FBXO27: variants seen among roughly 807,000 people sequenced by gnomAD.
FBXO27 encodes F-box only protein 27.
In FBXO27, 28 loss-of-function variants were observed where a neutral mutation model predicts 28.3. That is an observed-to-expected ratio of 0.99 (90% CI 0.73 to 1.36). The LOEUF (loss-of-function observed/expected upper bound fraction) is 1.36, where lower values mean the gene tolerates loss of function less well. Among genes scored for constraint, FBXO27 ranks in the 40% most tolerant of loss-of-function variants. The pLI is 0.00. For missense variants in FBXO27, 388 were observed against 394.1 expected, an observed-to-expected ratio of 0.98 and a Z score of 0.13; for synonymous variants, 175 against 167.3, an observed-to-expected ratio of 1.05 and a Z score of -0.36.
chr19:39,021,301 T>C (rs2144892295), downstream of FBXO27, among the ~76,000 whole-genome samples: 1 of 152,254 alleles, frequency 6.6e-6, no homozygotes, highest in Non-Finnish European at 1.5e-5. Flanking sequence ...ACAGAAACTA[T>C]GATGTATTTC....
chr19:39,013,944 C>T (rs2144884466), intron 2 of FBXO27, among the ~76,000 whole-genome samples: 1 of 150,988 alleles, frequency 6.6e-6, no homozygotes, highest in East Asian at 2.0e-4. Context: ...ACCTGGGAGG[C>T]AGAGCTTGCA....
intron 2 of FBXO27, among the ~76,000 whole-genome samples, chr19:39,010,817 A>G (rs1320318489): frequency 6.6e-6 from 1 of 152,244 alleles, no homozygotes; most frequent in African/African-American, 2.4e-5. Flanking sequence ...TCAGAGTTGT[A>G]ACAGGGCTGG....
At position 39,025,465 on chromosome 19, in the gene FBXO27, GT is replaced by G. The variant is rs2072867768; in HGVS notation, c.797del (p.His266ProfsTer6). On this transcript the variant is annotated frameshift_variant, in exon 6 of 6. Transcript: ENST00000292853. LOFTEE classifies it low-confidence loss of function (END_TRUNC). ...RGQDTQFWAGHYGARVTNSSV... is the reference protein window; with the variant it reads ...RGQDTQFWAGXYGARVTNSSV... ...TGGAGTTGGTCACACGGGCTCCATA[GT>G]GGCCAGCCCAGAACTGTGTGTCCTG... 1 of 1,614,042 alleles carries G rather than the reference GT, an allele frequency of 6.2e-7. No homozygotes were observed. The highest frequency in any genetic ancestry group is 1.1e-5 in the South Asian group (1 of 91,086).
intron 2 of FBXO27, 53 bp downstream of exon 2, chr19:39,031,811 C>A: frequency 1.4e-6 from 2 of 1,427,390 alleles, no homozygotes; most frequent in East Asian, 5.4e-5. Context: ...TCCGGCCCCG[C>A]TACCGCTCCC....
At chr19:39,022,008 G>A (rs565478910), downstream of FBXO27, among the ~76,000 whole-genome samples, 16 of 151,982 alleles carry the variant, frequency 1.1e-4, no homozygotes, top group East Asian at 3.9e-4. Flanking sequence ...CAACCGTCAC[G>A]TTGTTCATGG....
chr19:39,026,001 G>A (rs568907949), intron 5 of FBXO27, among the ~76,000 whole-genome samples: 1 of 152,014 alleles, frequency 6.6e-6, no homozygotes, highest in South Asian at 2.1e-4. Flanking sequence ...CTGGATGATG[G>A]AGCGAGACTC....
At chr19:39,005,855 G>C (rs1475236406) in intron 2 of FBXO27, among the ~76,000 whole-genome samples, 1 of 152,146 alleles carries the variant, frequency 6.6e-6, no homozygotes, top group Admixed American at 6.6e-5. Flanking sequence ...ATGAAGAATG[G>C]GATATTTACA....
downstream of FBXO27, among the ~76,000 whole-genome samples, chr19:39,020,755 C>CAAAAAAAAAAAAAA (rs61577516): frequency 5.7e-5 from 6 of 105,284 alleles, no homozygotes; most frequent in Admixed American, 1.0e-4. Flanking sequence ...GTGGATATGG[C>CAAAAAAAAAAAAAA]AAAAAAAAAA....
At chr19:39,012,128 CGGCCG>C (rs2072798241) in intron 2 of FBXO27, among the ~76,000 whole-genome samples, 1 of 150,648 alleles carries the variant, frequency 6.6e-6, no homozygotes. Context: ...CCACCACGCC[CGGCCG>C]AGCCCTGATT....
intron 1 of FBXO27, among the ~76,000 whole-genome samples, chr19:39,018,673 G>T (rs2072830516): frequency 6.6e-6 from 1 of 152,076 alleles, no homozygotes; most frequent in Non-Finnish European, 1.5e-5. Flanking sequence ...CAGCATTGAG[G>T]AGCATTGTAA....
chr19:39,015,318 C>CAAAA lies in FBXO27; in HGVS notation c.92-775_92-772dup, dbSNP rs59646562. The stretch of plus-strand genomic sequence containing the variant: ...TGGGTGACAGAGCAAGACTCTGTCT[C>CAAAA]AAAAAAAAAAAAAAAAAAAAAAAAA... On this transcript the variant is annotated intron_variant, in intron 1 of 2. Transcript: ENST00000598394. Among the ~76,000 whole-genome samples the CAAAA allele has an allele frequency of 2.2e-4, 8 of 36,450 alleles. 1 individual carries two copies. Among genetic ancestry groups the CAAAA allele is most frequent in the African/African-American group, 1.1e-3 (8 of 7,466 alleles). The allele number at this position is 36,450 out of a possible 152,430, so 23.9% of individuals were successfully genotyped here.
chr19:39,025,954 G>C (rs1239058005), intron 5 of FBXO27, among the ~76,000 whole-genome samples: 1 of 152,064 alleles, frequency 6.6e-6, no homozygotes, highest in Non-Finnish European at 1.5e-5. Context: ...GCAGGCGAAG[G>C]TTGCAGTGAG....
intron 4 of FBXO27, among the ~76,000 whole-genome samples, chr19:39,028,692 G>A (rs1047682405): frequency 6.6e-6 from 1 of 151,920 alleles, no homozygotes; most frequent in Non-Finnish European, 1.5e-5. Context: ...GCCAAACCCC[G>A]TCTCTACTAA....
chr19:39,025,379 T>C lies in FBXO27; in HGVS notation c.*32A>G, dbSNP rs757724892. 2 of 1,597,744 alleles carry C rather than the reference T, an allele frequency of 1.3e-6. No individual in the cohort carries two copies. Among genetic ancestry groups the C allele is most frequent in the Non-Finnish European group, 1.7e-6 (2 of 1,169,328 alleles). ...TGGTCCCAGGCCCTGGAAGGCACAG[T>C]CAGGCTGTCTTGCAAGAAGGGTAGT... is the stretch of plus-strand genomic sequence containing the variant. On this transcript the variant is annotated 3_prime_UTR_variant, in exon 6 of 6. Transcript: ENST00000292853.
At chr19:39,019,116 G>A (rs1359551434), downstream of FBXO27, among the ~76,000 whole-genome samples, 1 of 147,410 alleles carries the variant, frequency 6.8e-6, no homozygotes, top group African/African-American at 2.5e-5. Context: ...TTCTGTGGGT[G>A]CAGAATTGCT....
chr19:39,008,110 G>A (rs1294076044), intron 2 of FBXO27, among the ~76,000 whole-genome samples: 1 of 151,900 alleles, frequency 6.6e-6, no homozygotes, highest in Non-Finnish European at 1.5e-5. Context: ...CTAAAAATAT[G>A]AAAAATTAGC....
In FBXO27 at chr19:39,031,901, G is replaced by A. The variant is rs535735485; in HGVS notation, c.327C>T (p.Pro109=). 2.9e-5 allele frequency: 43 copies of A among 1,499,012 alleles called. No individual in the cohort carries two copies. The African/African-American group carries it at 6.1e-4, about 21-fold the overall frequency. 92.9% of individuals were successfully genotyped at this position (1,499,012 alleles called of 1,614,324 possible). A position where few individuals can be genotyped will look rare whatever the true frequency, so the allele number is the denominator to read the frequency against. The change falls in exon 2 of 6, where the codon CCC becomes CCT. Residue 109 remains proline (P), a synonymous_variant. Transcript: ENST00000292853. ...CPLGRFCARR[P]IGRNLIRNPC... ...GGTTGCGAATAAGGTTGCGTCCGATGGGTCTGCGCGCGCAGAAGCGGCCCA... is the reference window on the plus strand; with the variant it reads ...GGTTGCGAATAAGGTTGCGTCCGATAGGTCTGCGCGCGCAGAAGCGGCCCA...
chr19:39,027,038 T>C (rs372252845), intron 4 of FBXO27, 33 bp from the exon 5 acceptor site: 13 of 1,612,534 alleles, frequency 8.1e-6, no homozygotes, highest in Non-Finnish European at 1.0e-5. Context: ...AGGCTGGACC[T>C]GCCACCCCAT....
rs2072900420 is a variant in FBXO27, at chr19:39,031,202, C to T, written c.476+7G>A. The stretch of plus-strand genomic sequence containing the variant: ...GGGCCGGACCTTTGGATAGCAGGGG[C>T]ATTCACCTGAATGAAGTCACGAAGC... On this transcript the variant is annotated splice_region_variant and intron_variant, in intron 3 of 5. Transcript: ENST00000292853. The T allele has an allele frequency of 6.2e-7, 1 of 1,613,894 alleles. No homozygotes were observed. The highest frequency in any genetic ancestry group is 1.7e-5 in the Admixed American group (1 of 59,988).
Sources: gnomAD v4.1 joint callset for allele counts (sites outside exome capture counted in the v4.1 genomes callset) on GRCh38, gnomAD v4.1.1 for gene constraint, MANE v1.5 for transcripts, NCBI Gene and HGNC (gene_info 2026-07-23, HGNC 2026-07-21) for gene names.